MAP3K13: variants seen among roughly 807,000 people sequenced by gnomAD.
MAP3K13 encodes mitogen-activated protein kinase kinase kinase 13.
Under a neutral mutation model 104.0 loss-of-function variants are expected in MAP3K13, and 52 were observed. That is an observed-to-expected ratio of 0.50 (90% CI 0.40 to 0.63). The LOEUF is 0.63. Among genes scored for constraint, MAP3K13 ranks in the 20% least tolerant of loss-of-function variants. MAP3K13 has a pLI of 0.00. For synonymous variants in MAP3K13, 394 were observed against 442.2 expected, an observed-to-expected ratio of 0.89 and a Z score of 1.37; for missense variants, 914 against 1,218.5, an observed-to-expected ratio of 0.75 and a Z score of 3.72.
intron 10 of MAP3K13, among the ~76,000 whole-genome samples, chr3:185,472,205 CTTTTTT>C (rs568380003): frequency 1.5e-3 from 179 of 118,622 alleles, no homozygotes; most frequent in African/African-American, 4.3e-3. Flanking sequence ...ATCCCTTCTT[CTTTTTT>C]TTTTTTTTTT....
intron 2 of MAP3K13, among the ~76,000 whole-genome samples, chr3:185,352,029 T>G (rs1723155900): frequency 6.6e-6 from 1 of 152,286 alleles, no homozygotes; most frequent in South Asian, 2.1e-4. Flanking sequence ...ACCCGGAAGT[T>G]GCAAACATCA....
chr3:185,392,629 A>G (rs538527623), intron 1 of MAP3K13, among the ~76,000 whole-genome samples: 21 of 152,352 alleles, frequency 1.4e-4, no homozygotes, highest in African/African-American at 5.1e-4. Context: ...TTGTTCTGGG[A>G]GCAGGAGATT....
chr3:185,336,509 T>C (rs1722507455), intron 2 of MAP3K13, among the ~76,000 whole-genome samples: 1 of 143,456 alleles, frequency 7.0e-6, no homozygotes, highest in Admixed American at 7.2e-5. Context: ...GCCATTGCAC[T>C]CCAGCCTGGG....
chr3:185,401,255 C>A (rs1712797594), intron 1 of MAP3K13, among the ~76,000 whole-genome samples: 1 of 152,174 alleles, frequency 6.6e-6, no homozygotes, highest in Admixed American at 6.5e-5. Context: ...GCCCAGGGCT[C>A]TTTGAATCCT....
In MAP3K13 at chr3:185,484,829, G is replaced by A. The variant is rs547777791; in HGVS notation, c.*2373G>A. The A allele has an allele frequency of 2.6e-5, 4 of 152,298 alleles. No individual in the cohort carries two copies. In the East Asian group the frequency reaches 7.7e-4, roughly 29 times the overall value. 9.4% of individuals were successfully genotyped at this position (152,298 alleles called of 1,614,324 possible). A position where few individuals can be genotyped will look rare whatever the true frequency, so the allele number is the denominator to read the frequency against. The stretch of plus-strand genomic sequence containing the variant: ...TCTCATTTTCTGTCGATCAGAAGGT[G>A]TGATTTATGATGTGGCACAATGGTT... On this transcript the variant is annotated 3_prime_UTR_variant, in exon 14 of 14. Transcript: ENST00000265026.
chr3:185,312,435 T>C (rs1024880783), intron 2 of MAP3K13, among the ~76,000 whole-genome samples: 40 of 152,332 alleles, frequency 2.6e-4, no homozygotes, highest in African/African-American at 7.0e-4. Flanking sequence ...TCTGGTTCTA[T>C]CTCAGCAGGA....
intron 1 of MAP3K13, among the ~76,000 whole-genome samples, chr3:185,376,565 C>G (rs545823689): frequency 6.6e-6 from 1 of 152,124 alleles, no homozygotes; most frequent in South Asian, 2.1e-4. Flanking sequence ...TAGGGAGAGC[C>G]AGTGTGGGAG....
At chr3:185,377,053 G>A (rs1454012885) in intron 1 of MAP3K13, among the ~76,000 whole-genome samples, 1 of 152,108 alleles carries the variant, frequency 6.6e-6, no homozygotes, top group East Asian at 1.9e-4. Context: ...TGGAGAGGTT[G>A]TGGAGGGAGG....
In MAP3K13 at chr3:185,314,995, G is replaced by A. The variant is rs550081420; in HGVS notation, c.-86+29352G>A. 2.0e-5 allele frequency among the ~76,000 whole-genome samples: 3 copies of A among 152,204 alleles called. No individual in the cohort carries two copies. In the South Asian group the frequency reaches 6.2e-4, roughly 32 times the overall value. On this transcript the variant is annotated intron_variant, in intron 2 of 14. Transcript: ENST00000424227. ...TGGCCAGGTGCGGTGGCTCATGCCTGTAATCCCAGCACTTTGGGAGGCTGA... is the reference window on the plus strand; with the variant it reads ...TGGCCAGGTGCGGTGGCTCATGCCTATAATCCCAGCACTTTGGGAGGCTGA...
chr3:185,429,179 A>AC, intron 2 of MAP3K13, 123 bp downstream of exon 2: 1 of 871,376 alleles, frequency 1.1e-6, no homozygotes, highest in Non-Finnish European at 1.7e-6. Context: ...TGACAGATGA[A>AC]TACCTCATTT....
chr3:185,376,234 G>A (rs936633473), intron 1 of MAP3K13, among the ~76,000 whole-genome samples: 1 of 150,910 alleles, frequency 6.6e-6, no homozygotes. Flanking sequence ...GACGATAACT[G>A]TGGGAGACTC....
chr3:185,318,324 T>G (rs1176698130), intron 2 of MAP3K13, among the ~76,000 whole-genome samples: 1 of 152,248 alleles, frequency 6.6e-6, no homozygotes, highest in Non-Finnish European at 1.5e-5. Flanking sequence ...TTCTTGCTCT[T>G]GCAGCTTTAT....
chr3:185,451,424 T>C (rs1302503949), intron 7 of MAP3K13, 29 bp downstream of exon 7: 1 of 1,449,024 alleles, frequency 6.9e-7, no homozygotes, highest in Non-Finnish European at 9.7e-7. Context: ...TACCAGGTGC[T>C]ACTAAACAGA....
At chr3:185,456,864 G>A (rs1257524870) in intron 7 of MAP3K13, among the ~76,000 whole-genome samples, 5 of 152,110 alleles carry the variant, frequency 3.3e-5, no homozygotes, top group Admixed American at 2.6e-4. Context: ...GCCTCCCAAC[G>A]TGCTGCGGTT....
At chr3:185,382,272 G>A (rs1724762409) in intron 1 of MAP3K13, among the ~76,000 whole-genome samples, 1 of 152,146 alleles carries the variant, frequency 6.6e-6, no homozygotes, top group African/African-American at 2.4e-5. Flanking sequence ...CTTTGTGAAT[G>A]TGATCTCTTT....
intron 2 of MAP3K13, among the ~76,000 whole-genome samples, chr3:185,323,507 A>G (rs1485391793): frequency 6.6e-6 from 1 of 151,698 alleles, no homozygotes; most frequent in African/African-American, 2.4e-5. Context: ...CTAATTTTGT[A>G]TTTTTAGTAG....
At chr3:185,291,599 G>A in intron 2 of MAP3K13, 1 of 1,503,814 alleles carries the variant, frequency 6.6e-7, no homozygotes, top group East Asian at 2.5e-5. Context: ...TTTGTGTTTT[G>A]TTTTGTTTTC....
At chr3:185,379,271 G>A (rs532026930) in intron 1 of MAP3K13, among the ~76,000 whole-genome samples, 32 of 152,328 alleles carry the variant, frequency 2.1e-4, no homozygotes, top group Non-Finnish European at 1.9e-4. Flanking sequence ...CTGTCTTCCC[G>A]AGTCCGTGAC....
chr3:185,428,534 A>G lies in MAP3K13; in HGVS notation c.-48A>G. 2.6e-6 allele frequency: 4 copies of G among 1,519,962 alleles called. No individual in the cohort carries two copies. The highest frequency in any genetic ancestry group is 3.5e-6 in the Non-Finnish European group (4 of 1,136,256). 94.2% of individuals were successfully genotyped at this position (1,519,962 alleles called of 1,614,324 possible). A position where few individuals can be genotyped will look rare whatever the true frequency, so the allele number is the denominator to read the frequency against. Reference sequence around the variant, plus strand: ...TCTCTTAAGTCAGAACTCTGTCCCAAAAATCTTCTGAGTGTCATCTCAGGA... The same window carrying G: ...TCTCTTAAGTCAGAACTCTGTCCCAGAAATCTTCTGAGTGTCATCTCAGGA... On this transcript the variant is annotated 5_prime_UTR_variant, in exon 2 of 14. Coordinates refer to ENST00000265026, the MANE Select transcript of MAP3K13 (RefSeq NM_004721.5).
Sources: gnomAD v4.1 joint callset for allele counts (sites outside exome capture counted in the v4.1 genomes callset) on GRCh38, gnomAD v4.1.1 for gene constraint, MANE v1.5 for transcripts, NCBI Gene and HGNC (gene_info 2026-07-23, HGNC 2026-07-21) for gene names.